PPP3CB: variants seen among roughly 807,000 people sequenced by gnomAD.
PPP3CB encodes protein phosphatase 3 catalytic subunit beta, also known as serine/threonine-protein phosphatase 2B catalytic subunit beta isoform.
PPP3CB carries 8 observed loss-of-function variants against 66.4 expected under a neutral mutation model. That is an observed-to-expected ratio of 0.12 (90% confidence interval 0.07 to 0.22). PPP3CB has a LOEUF of 0.22. PPP3CB is among the 10% of genes least tolerant of loss of function. The probability of loss-of-function intolerance (pLI) is 1.00; values close to 1 mark genes in which losing one functional copy is unlikely to be tolerated. For synonymous variants in PPP3CB, 208 were observed against 221.2 expected, an observed-to-expected ratio of 0.94 and a Z score of 0.53; for missense variants, 319 against 642.5, an observed-to-expected ratio of 0.50 and a Z score of 5.44.
intron 1 of PPP3CB, among the ~76,000 whole-genome samples, chr10:73,487,278 T>C (rs924252830): frequency 6.6e-6 from 1 of 152,122 alleles, no homozygotes; most frequent in African/African-American, 2.4e-5. Context: ...CCAGGTGCAG[T>C]GGCTCATGCC....
chr10:73,448,337 G>A (rs1313831496), intron 10 of PPP3CB, among the ~76,000 whole-genome samples: 5 of 152,112 alleles, frequency 3.3e-5, no homozygotes, highest in African/African-American at 7.2e-5. Flanking sequence ...AATGGTCACA[G>A]TAACATTTCT....
intron 12 of PPP3CB, among the ~76,000 whole-genome samples, chr10:73,441,391 G>A (rs544322704): frequency 4.6e-5 from 7 of 152,074 alleles, no homozygotes; most frequent in Non-Finnish European, 1.0e-4. Context: ...TCCCTTGAGC[G>A]TTTGAGCCCA....
intron 9 of PPP3CB, among the ~76,000 whole-genome samples, chr10:73,464,243 C>A (rs1216168437): frequency 6.6e-6 from 1 of 152,132 alleles, no homozygotes; most frequent in African/African-American, 2.4e-5. Context: ...CCACCACGCC[C>A]AGCCATCTCA....
In PPP3CB at chr10:73,436,815, G is replaced by A. The variant is rs1256969744; in HGVS notation, c.*1427C>T. The A allele has an allele frequency of 1.3e-5, 2 of 152,122 alleles. No individual in the cohort carries two copies. The highest frequency in any genetic ancestry group is 1.9e-4 in the East Asian group (1 of 5,198). 9.4% of individuals were successfully genotyped at this position (152,122 alleles called of 1,614,324 possible). A position where few individuals can be genotyped will look rare whatever the true frequency, so the allele number is the denominator to read the frequency against. On this transcript the variant is annotated 3_prime_UTR_variant, in exon 14 of 14. Transcript: ENST00000360663. ...AACCCAACACAGAGATAGGAGCAGCGGCCCATGCATGGAATTTATTGTGTG... is the reference window on the plus strand; with the variant it reads ...AACCCAACACAGAGATAGGAGCAGCAGCCCATGCATGGAATTTATTGTGTG...
At chr10:73,476,332 T>C (rs2056787675) in intron 3 of PPP3CB, among the ~76,000 whole-genome samples, 1 of 152,168 alleles carries the variant, frequency 6.6e-6, no homozygotes, top group Non-Finnish European at 1.5e-5. Flanking sequence ...AGGAGTCAGC[T>C]ACATCCAGGC....
intron 9 of PPP3CB, among the ~76,000 whole-genome samples, chr10:73,460,779 GCCAGGGACTGCTCCAGCAC>G (rs2056507740): frequency 6.6e-6 from 1 of 152,244 alleles, no homozygotes; most frequent in South Asian, 2.1e-4. Context: ...GCTCCCCACA[GCCAGGGACTGCTCCAGCAC>G]CAGCCACCAC....
intron 13 of PPP3CB, among the ~76,000 whole-genome samples, chr10:73,438,819 G>A (rs138812421): frequency 2.6e-5 from 4 of 152,232 alleles, no homozygotes; most frequent in Non-Finnish European, 4.4e-5. Flanking sequence ...GAGAGTAGGG[G>A]CAAGTGAGGA....
intron 10 of PPP3CB, among the ~76,000 whole-genome samples, chr10:73,452,127 T>C (rs139852165): frequency 2.5e-3 from 383 of 152,178 alleles, no homozygotes; most frequent in African/African-American, 8.6e-3. Context: ...CAATTAAAAC[T>C]CTCACTAAAT....
In PPP3CB at chr10:73,467,415, C is replaced by G; in HGVS notation, c.1108+138G>C. On this transcript the variant is annotated intron_variant, in intron 9 of 13. Coordinates refer to ENST00000360663, the MANE Select transcript of PPP3CB (RefSeq NM_021132.4). The stretch of plus-strand genomic sequence containing the variant: ...AATATCTTTGAGACTCTTATGTCCA[C>G]ACCCACTGACACAAGGAGAGCTGTA... 1.3e-5 allele frequency: 8 copies of G among 611,994 alleles called. No individual in the cohort carries two copies. The South Asian group carries it at 2.2e-4, about 17-fold the overall frequency. The allele number at this position is 611,994 out of a possible 1,614,324, so 37.9% of individuals were successfully genotyped here.
At chr10:73,453,434 T>A (rs985578059) in intron 10 of PPP3CB, among the ~76,000 whole-genome samples, 30 of 152,088 alleles carry the variant, frequency 2.0e-4, no homozygotes, top group African/African-American at 2.6e-4. Context: ...ATATATATAT[T>A]TTTTTAATAC....
At chr10:73,490,719 C>T (rs2057058078) in intron 1 of PPP3CB, among the ~76,000 whole-genome samples, 1 of 152,114 alleles carries the variant, frequency 6.6e-6, no homozygotes, top group African/African-American at 2.4e-5. Flanking sequence ...AACTTGTTAC[C>T]ATAGTGTTCC....
chr10:73,445,822 C>G (rs1002222241), intron 11 of PPP3CB, among the ~76,000 whole-genome samples: 1 of 149,682 alleles, frequency 6.7e-6, no homozygotes, highest in Admixed American at 6.7e-5. Context: ...CATCTCAGAT[C>G]ACTGCAACCT....
At chr10:73,443,519 C>T (rs1370434173) in intron 12 of PPP3CB, among the ~76,000 whole-genome samples, 2 of 152,084 alleles carry the variant, frequency 1.3e-5, no homozygotes, top group African/African-American at 2.4e-5. Context: ...AACATCAGAT[C>T]TGTTGCTATT....
At chr10:73,477,822 C>T (rs995089644) in intron 3 of PPP3CB, among the ~76,000 whole-genome samples, 1 of 151,876 alleles carries the variant, frequency 6.6e-6, no homozygotes. Flanking sequence ...GAGACTGGGA[C>T]AGAAGGATCC....
At chr10:73,451,446 T>C (rs2056342582) in intron 10 of PPP3CB, among the ~76,000 whole-genome samples, 1 of 152,066 alleles carries the variant, frequency 6.6e-6, no homozygotes, top group South Asian at 2.1e-4. Flanking sequence ...TTAATTTAAC[T>C]TGATAATGAC....
intron 3 of PPP3CB, 41 bp from the exon 4 acceptor site, chr10:73,475,071 T>C (rs2056766240): frequency 6.3e-7 from 1 of 1,594,954 alleles, no homozygotes; most frequent in East Asian, 2.3e-5. Context: ...TCTTGTACTT[T>C]TGTTTAATGA....
chr10:73,454,498 G>GA lies in PPP3CB; in HGVS notation c.1109-10dup, dbSNP rs771561450. 6.3e-6 allele frequency: 10 copies of GA among 1,599,764 alleles called. No individual in the cohort carries two copies. The highest frequency in any genetic ancestry group is 2.7e-5 in the African/African-American group (2 of 74,340). On this transcript the variant is annotated splice_polypyrimidine_tract_variant and intron_variant, in intron 9 of 13. Transcript: ENST00000360663. ...TACCAACATTTCTGTCACTATTTGG[G>GA]AAAAAAAAGTTACATGTTAGCTGAC...
At chr10:73,474,281 T>C (rs1326335822) in intron 4 of PPP3CB, among the ~76,000 whole-genome samples, 3 of 152,060 alleles carry the variant, frequency 2.0e-5, no homozygotes. Flanking sequence ...CCTCAGGTGA[T>C]CCACCCGCCT....
chr10:73,475,813 T>C (rs2056775775), intron 3 of PPP3CB, among the ~76,000 whole-genome samples: 1 of 152,170 alleles, frequency 6.6e-6, no homozygotes, highest in Non-Finnish European at 1.5e-5. Flanking sequence ...AAATATTTGA[T>C]ATGGAAATAA....
Sources: gnomAD v4.1 joint callset for allele counts (sites outside exome capture counted in the v4.1 genomes callset) on GRCh38, gnomAD v4.1.1 for gene constraint, MANE v1.5 for transcripts, NCBI Gene and HGNC (gene_info 2026-07-23, HGNC 2026-07-21) for gene names.